Variants in CFAP61 observed in about 807,000 individuals in gnomAD.
CFAP61 encodes cilia- and flagella-associated protein 61.
In CFAP61, 107 loss-of-function variants were observed where a neutral mutation model predicts 135.6. The observed-to-expected ratio is 0.79, with a 90% CI of 0.67 to 0.93. The LOEUF (loss-of-function observed/expected upper bound fraction) is 0.93. Among genes scored for constraint, CFAP61 ranks in the 40% least tolerant of loss-of-function variants. The pLI, the probability that CFAP61 is intolerant of heterozygous loss-of-function variation, is 0.00. For missense variants in CFAP61, 1,507 were observed against 1,556.2 expected (o/e 0.97, Z 0.53); for synonymous variants, 575 against 578.5 (o/e 0.99, Z 0.09).
At position 20,063,147 on chromosome 20, in the gene CFAP61, ACCAAAGATTCAGGGATTGGGTATGTC is replaced by A. The variant is rs562138021; in HGVS notation, c.143+6357_143+6382del. ...CACAAGTGCCTTTATAAGCAGTCCT[ACCAAAGATTCAGGGATTGGGTATGTC>A]CCAAATAAATACAAGTTCTTGGAAG... On this transcript the variant is annotated intron_variant, in intron 2 of 26. Coordinates refer to ENST00000245957, the MANE Select transcript of CFAP61 (RefSeq NM_015585.4). Among the ~76,000 whole-genome samples, 127 of 152,370 alleles carry A rather than the reference ACCAAAGATTCAGGGATTGGGTATGTC, an allele frequency of 8.3e-4. 2 individuals are homozygous for A. Among genetic ancestry groups the A allele is most frequent in the African/African-American group, 3.0e-3 (125 of 41,598 alleles).
At chr20:20,148,525 G>T (rs1204822027) in intron 9 of CFAP61, among the ~76,000 whole-genome samples, 1 of 151,038 alleles carries the variant, frequency 6.6e-6, no homozygotes, top group Non-Finnish European at 1.5e-5. Flanking sequence ...TTGTATTTGT[G>T]GGTTTTGTTT....
chr20:20,331,017 A>G (rs369626494), intron 25 of CFAP61, among the ~76,000 whole-genome samples: 43 of 152,336 alleles, frequency 2.8e-4, no homozygotes, highest in African/African-American at 9.4e-4. Context: ...ATACTTTGAG[A>G]CTATATAAAT....
intron 8 of CFAP61, among the ~76,000 whole-genome samples, chr20:20,106,698 G>A (rs1055692678): frequency 6.6e-6 from 1 of 152,178 alleles, no homozygotes; most frequent in African/African-American, 2.4e-5. Context: ...AAGTTCAAGA[G>A]TGTATTTGAC....
chr20:20,063,945 A>G (rs990182043), intron 2 of CFAP61, among the ~76,000 whole-genome samples: 1 of 152,182 alleles, frequency 6.6e-6, no homozygotes, highest in African/African-American at 2.4e-5. Flanking sequence ...TAAAGTACCT[A>G]GTATAAAACT....
chr20:20,141,845 A>G (rs2051425133), intron 8 of CFAP61, among the ~76,000 whole-genome samples: 1 of 152,186 alleles, frequency 6.6e-6, no homozygotes, highest in Non-Finnish European at 1.5e-5. Flanking sequence ...AAGGCAGAGC[A>G]GCATGCCCAC....
chr20:20,161,322 A>G (rs2053386637), intron 10 of CFAP61, among the ~76,000 whole-genome samples: 3 of 152,234 alleles, frequency 2.0e-5, no homozygotes, highest in Admixed American at 2.0e-4. Context: ...CACCTGAGTC[A>G]ACAAGGTGGA....
intron 20 of CFAP61, among the ~76,000 whole-genome samples, chr20:20,254,463 G>T (rs2051349344): frequency 6.6e-6 from 1 of 151,874 alleles, no homozygotes; most frequent in Non-Finnish European, 1.5e-5. Flanking sequence ...CTGCCCATGT[G>T]TGCCCAGCTG....
intron 26 of CFAP61, 52 bp downstream of exon 26, chr20:20,341,973 T>C (rs1258261903): frequency 1.6e-6 from 2 of 1,230,162 alleles, no homozygotes; most frequent in Non-Finnish European, 2.4e-6. Context: ...TATAAGCAGC[T>C]GATAGCTGTT....
chr20:20,125,573 C>T lies in CFAP61; in HGVS notation c.860-17284C>T, dbSNP rs1568957850. Among the ~76,000 whole-genome samples the T allele has an allele frequency of 1.5e-4, 23 of 151,822 alleles. 1 individual carries two copies. The highest frequency in any genetic ancestry group is 5.1e-4 in the African/African-American group (21 of 41,132). On this transcript the variant is annotated intron_variant, in intron 8 of 26. Coordinates refer to ENST00000245957, the MANE Select transcript of CFAP61 (RefSeq NM_015585.4). ...ATTTACAGTTTTATTCCACTGTGGT[C>T]TGAGAGGCTGCTTGATGTAATATTA... is the stretch of plus-strand genomic sequence containing the variant.
intron 13 of CFAP61, 133 bp downstream of exon 13, chr20:20,169,593 G>C: frequency 1.3e-6 from 1 of 793,228 alleles, no homozygotes; most frequent in Non-Finnish European, 1.8e-6. Context: ...TCTTGAGTAA[G>C]TGATTTTAAC....
At chr20:20,116,490 A>G (rs977876852) in intron 8 of CFAP61, among the ~76,000 whole-genome samples, 1 of 152,204 alleles carries the variant, frequency 6.6e-6, no homozygotes, top group Admixed American at 6.5e-5. Context: ...GAGGTCTTAC[A>G]CAAAAAATCC....
At chr20:20,339,243 TA>T (rs1024118152) in intron 25 of CFAP61, among the ~76,000 whole-genome samples, 3 of 152,154 alleles carry the variant, frequency 2.0e-5, no homozygotes, top group South Asian at 2.1e-4. Context: ...AAAAAGTTAA[TA>T]TTTTTTATTT....
intron 17 of CFAP61, among the ~76,000 whole-genome samples, chr20:20,213,283 A>G (rs115728879): frequency 1.1e-3 from 172 of 152,298 alleles, no homozygotes; most frequent in African/African-American, 4.1e-3. Context: ...CAATTAAAAC[A>G]TGTCAAATAT....
chr20:20,268,176 C>T (rs2052950989), intron 21 of CFAP61, among the ~76,000 whole-genome samples: 1 of 152,178 alleles, frequency 6.6e-6, no homozygotes, highest in Non-Finnish European at 1.5e-5. Context: ...TTTTTAAATA[C>T]TTTAGCATGT....
intron 9 of CFAP61, among the ~76,000 whole-genome samples, chr20:20,152,450 A>C (rs555719723): frequency 2.6e-5 from 4 of 152,240 alleles, no homozygotes; most frequent in Non-Finnish European, 5.9e-5. Context: ...AACATTCACC[A>C]ATCAAGTATC....
At chr20:20,344,048 G>A (rs541898442) in intron 26 of CFAP61, among the ~76,000 whole-genome samples, 46 of 152,210 alleles carry the variant, frequency 3.0e-4, no homozygotes, top group South Asian at 2.5e-3. Flanking sequence ...TGAAACCTCC[G>A]GAAGAAAAAA....
intron 25 of CFAP61, among the ~76,000 whole-genome samples, chr20:20,335,763 T>G (rs981908898): frequency 6.6e-6 from 1 of 152,218 alleles, no homozygotes; most frequent in Non-Finnish European, 1.5e-5. Flanking sequence ...AAACTTTCTG[T>G]AATTTCAATC....
intron 6 of CFAP61, among the ~76,000 whole-genome samples, chr20:20,078,201 G>T (rs771106491): frequency 6.2e-4 from 95 of 152,290 alleles, no homozygotes; most frequent in Non-Finnish European, 1.1e-3. Flanking sequence ...AGTATAATGA[G>T]GCATGACCGA....
intron 13 of CFAP61, among the ~76,000 whole-genome samples, chr20:20,186,807 A>G (rs1230941498): frequency 6.6e-6 from 1 of 152,208 alleles, no homozygotes; most frequent in Non-Finnish European, 1.5e-5. Context: ...ATAGATTAGG[A>G]TATTTTATTG....
Sources: allele counts gnomAD v4.1 joint callset (sites outside exome capture counted in the v4.1 genomes callset), GRCh38; gene constraint gnomAD v4.1.1; transcripts MANE v1.5; gene names NCBI Gene and HGNC (gene_info 2026-07-23, HGNC 2026-07-21).